The following PUM1 variants were observed in gnomAD, a reference collection of about 807,000 sequenced individuals.
The protein encoded by PUM1 is pumilio homolog 1.
PUM1 carries 13 observed loss-of-function variants against 131.8 expected under a neutral mutation model. The ratio of observed to expected loss-of-function variants is 0.10; its 90% CI spans 0.06 to 0.16. PUM1 has a LOEUF of 0.16. Among genes scored for constraint, PUM1 ranks in the 10% least tolerant of loss-of-function variants. The probability of loss-of-function intolerance (pLI) is 1.00; values close to 1 mark genes in which losing one functional copy is unlikely to be tolerated. For synonymous variants in PUM1, 509 were observed against 556.5 expected (o/e 0.91, Z 1.20); for missense variants, 961 against 1,512.4 (o/e 0.64, Z 6.05).
chr1:31,010,439 G>T, intron 3 of PUM1, among the ~76,000 whole-genome samples: 1 of 152,136 alleles, frequency 6.6e-6, no homozygotes, highest in South Asian at 2.1e-4. Flanking sequence ...CATCTTGCTT[G>T]TCCTCTTCTA....
intron 2 of PUM1, among the ~76,000 whole-genome samples, chr1:31,052,649 G>A (rs983613163): frequency 6.6e-6 from 1 of 151,128 alleles, no homozygotes; most frequent in Non-Finnish European, 1.5e-5. Context: ...TTAGAGGCAG[G>A]AGCCAATGTA....
intron 10 of PUM1, among the ~76,000 whole-genome samples, chr1:30,970,995 T>TA (rs1198988855): frequency 6.6e-6 from 1 of 152,188 alleles, no homozygotes; most frequent in African/African-American, 2.4e-5. Flanking sequence ...GTCCACTCTC[T>TA]AGAAATCTGT....
In PUM1 at chr1:30,941,983, T is replaced by C. The variant is rs1464478517; in HGVS notation, c.3120+15A>G. 6 of 1,552,868 alleles carry C rather than the reference T, an allele frequency of 3.9e-6. No homozygotes were observed. The highest frequency in any genetic ancestry group is 1.7e-5 in the Admixed American group (1 of 58,136). On this transcript the variant is annotated intron_variant, in intron 19 of 21. Transcript: ENST00000426105. ...CCACAGGTGTTCGCAGTTCCTCTAC[T>C]GGCAACTCCACTACCTGTACAAGCT...
intron 1 of PUM1, among the ~76,000 whole-genome samples, chr1:31,064,942 A>G (rs964605737): frequency 2.6e-5 from 4 of 152,208 alleles, no homozygotes; most frequent in Admixed American, 2.6e-4. Context: ...CCCCTCTTTG[A>G]GTGAAGAGAG....
At chr1:31,064,946 AAG>A (rs994746071) in intron 1 of PUM1, among the ~76,000 whole-genome samples, 8 of 152,228 alleles carry the variant, frequency 5.3e-5, no homozygotes, top group Admixed American at 1.3e-4. Context: ...TCTTTGAGTG[AAG>A]AGAGACACCA....
At chr1:31,051,832 C>A (rs549892498) in intron 2 of PUM1, among the ~76,000 whole-genome samples, 12 of 152,118 alleles carry the variant, frequency 7.9e-5, no homozygotes, top group Middle Eastern at 6.8e-3. Context: ...AATTTTTTTG[C>A]CCTATTTCAT....
intron 1 of PUM1, among the ~76,000 whole-genome samples, chr1:31,063,351 G>A (rs1302770979): frequency 1.3e-5 from 2 of 152,060 alleles, no homozygotes; most frequent in East Asian, 1.9e-4. Flanking sequence ...TAAAGTCATC[G>A]TGCTTAAGAC....
At chr1:31,019,673 G>T (rs548333720) in intron 3 of PUM1, among the ~76,000 whole-genome samples, 3 of 152,234 alleles carry the variant, frequency 2.0e-5, no homozygotes, top group Admixed American at 6.5e-5. Flanking sequence ...GAAAGTAAAG[G>T]TTTCTTTATA....
chr1:31,024,865 G>C (rs192295142), intron 3 of PUM1, among the ~76,000 whole-genome samples: 1 of 152,254 alleles, frequency 6.6e-6, no homozygotes, highest in East Asian at 1.9e-4. Flanking sequence ...AACCAATTTA[G>C]AAATAGAGCC....
chr1:30,966,129 C>T lies in PUM1; in HGVS notation c.1939G>A (p.Gly647Ser). 5.6e-6 allele frequency: 9 copies of T among 1,613,998 alleles called. No homozygotes were observed. Among genetic ancestry groups the T allele is most frequent in the Non-Finnish European group, 7.6e-6 (9 of 1,180,012 alleles). Reference protein sequence around the residue: ...NNNLASSSFYGNNSLNSNSQS... With the variant: ...NNNLASSSFYSNNSLNSNSQS... ...GAATTGCTGTTCAGAGAGTTGTTGC[C>T]GTAGAAAGAACTGGATGCCAGGTTG... The change falls in exon 13 of 22, where the codon GGC (glycine) becomes AGC (serine). Residue 647 changes from glycine (G) to serine (S), a missense_variant. Transcript: ENST00000426105.
At chr1:30,996,522 T>C (rs1641985548) in intron 5 of PUM1, among the ~76,000 whole-genome samples, 1 of 152,220 alleles carries the variant, frequency 6.6e-6, no homozygotes, top group Admixed American at 6.5e-5. Flanking sequence ...ACTTCTAAAG[T>C]TATTCTCTGT....
chr1:31,029,721 C>G (rs899602444), intron 2 of PUM1, among the ~76,000 whole-genome samples: 3 of 152,052 alleles, frequency 2.0e-5, no homozygotes, highest in African/African-American at 2.4e-5. Flanking sequence ...GACGTAGGCT[C>G]CCAGCCTGGG....
chr1:30,996,761 G>T (rs1641993134), intron 5 of PUM1, among the ~76,000 whole-genome samples: 2 of 152,176 alleles, frequency 1.3e-5, no homozygotes, highest in South Asian at 4.1e-4. Context: ...TCAAAGCAGA[G>T]ATAGGAATAT....
chr1:30,980,193 A>G lies in PUM1; in HGVS notation c.1253-30T>C, dbSNP rs764478374. On this transcript the variant is annotated intron_variant, in intron 8 of 21. Transcript: ENST00000426105. ...TGAAAACATACCTGTCAGTAAAAAC[A>G]AACTTGACTAAAACTGCAGCCCTAT... is the stretch of plus-strand genomic sequence containing the variant. 3.8e-6 allele frequency: 6 copies of G among 1,559,410 alleles called. No homozygotes were observed. In the South Asian group the frequency reaches 6.7e-5, roughly 18 times the overall value.
At position 31,038,862 on chromosome 1, in the gene PUM1, T is replaced by TGTAATA. The variant is rs1643702344; in HGVS notation, c.364-10004_364-9999dup. On this transcript the variant is annotated intron_variant, in intron 2 of 21. Transcript: ENST00000426105. ...TTAACAAACATCTTTAACCTGGTAC[T>TGTAATA]GTAATAGGAAAAGATGGAAACAGTC... 2.7e-5 allele frequency among the ~76,000 whole-genome samples: 4 copies of TGTAATA among 149,926 alleles called. No homozygotes were observed. In the South Asian group the frequency reaches 8.4e-4, roughly 32 times the overall value.
intron 2 of PUM1, among the ~76,000 whole-genome samples, chr1:31,032,903 C>G (rs1191851892): frequency 2.0e-5 from 3 of 152,088 alleles, no homozygotes; most frequent in Admixed American, 1.3e-4. Flanking sequence ...GTCAGGAGTT[C>G]AAGACCAGCC....
At chr1:31,040,820 G>A (rs1221594342) in intron 2 of PUM1, among the ~76,000 whole-genome samples, 3 of 152,084 alleles carry the variant, frequency 2.0e-5, no homozygotes, top group African/African-American at 4.8e-5. Context: ...CCTATGCTAT[G>A]AGGAGGAGCT....
At chr1:31,058,456 A>G (rs1644295652) in intron 2 of PUM1, among the ~76,000 whole-genome samples, 3 of 150,206 alleles carry the variant, frequency 2.0e-5, no homozygotes, top group African/African-American at 4.9e-5. Context: ...GTCAGGAGAT[A>G]GAGACCATCC....
intron 7 of PUM1, among the ~76,000 whole-genome samples, chr1:30,987,120 A>G (rs1174019722): frequency 6.6e-6 from 1 of 152,150 alleles, no homozygotes; most frequent in Non-Finnish European, 1.5e-5. Flanking sequence ...GATCAACAAT[A>G]CAATTAATTC....
Sources: gnomAD v4.1 joint callset for allele counts (sites outside exome capture counted in the v4.1 genomes callset) on GRCh38, gnomAD v4.1.1 for gene constraint, MANE v1.5 for transcripts, NCBI Gene and HGNC (gene_info 2026-07-23, HGNC 2026-07-21) for gene names.